ZNF565: variants seen among roughly 807,000 people sequenced by gnomAD.
ZNF565 encodes the protein zinc finger protein 565.
ZNF565 carries 27 observed loss-of-function variants against 39.4 expected under a neutral mutation model. That is an observed-to-expected ratio of 0.69 (90% confidence interval 0.51 to 0.95). The LOEUF is 0.95. ZNF565 is among the 40% of genes least tolerant of loss of function. The pLI, the probability that ZNF565 is intolerant of heterozygous loss-of-function variation, is 0.00. For synonymous variants in ZNF565, 185 were observed against 216.6 expected, an observed-to-expected ratio of 0.85 and a Z score of 1.28; for missense variants, 524 against 621.1, an observed-to-expected ratio of 0.84 and a Z score of 1.66.
intron 1 of ZNF565, among the ~76,000 whole-genome samples, chr19:36,203,781 T>C (rs1406889159): frequency 6.6e-6 from 1 of 151,830 alleles, no homozygotes; most frequent in Non-Finnish European, 1.5e-5. Flanking sequence ...TTCACCATGT[T>C]GGCCAGGCTG....
intron 1 of ZNF565, among the ~76,000 whole-genome samples, chr19:36,244,106 A>G (rs577750900): frequency 1.8e-3 from 269 of 149,934 alleles, no homozygotes; most frequent in African/African-American, 5.9e-3. Flanking sequence ...CCAAACCAAG[A>G]AAAAAGACCC....
intron 2 of ZNF565, among the ~76,000 whole-genome samples, chr19:36,200,402 T>G (rs943561829): frequency 1.3e-5 from 2 of 152,098 alleles, no homozygotes; most frequent in Non-Finnish European, 2.9e-5. Flanking sequence ...TTATGAAACA[T>G]AACTCTATTG....
chr19:36,228,006 C>T (rs1977149769), intron 1 of ZNF565, among the ~76,000 whole-genome samples: 2 of 152,054 alleles, frequency 1.3e-5, no homozygotes, highest in Admixed American at 6.6e-5. Flanking sequence ...ACTAAAAATA[C>T]AAAATTAGCC....
chr19:36,190,709 G>A (rs1975502538), intron 4 of ZNF565, among the ~76,000 whole-genome samples: 2 of 151,754 alleles, frequency 1.3e-5, no homozygotes, highest in African/African-American at 4.8e-5. Flanking sequence ...AAGGCCAGGT[G>A]CGGTGGCTCA....
Position 36,245,413 on chromosome 19 carries a change from C to G in ZNF565, c.55+63G>C, listed in dbSNP as rs182894455. 57 of 701,198 alleles carry G rather than the reference C, an allele frequency of 8.1e-5. No homozygotes were observed. The African/African-American group carries it at 8.9e-4, about 11-fold the overall frequency. The allele number at this position is 701,198 out of a possible 1,614,324, so 43.4% of individuals were successfully genotyped here. On this transcript the variant is annotated intron_variant, in intron 1 of 4. Transcript: ENST00000355114. This position sits in a 1 kb window ranked among gnomAD's most constrained non-coding sequence, Gnocchi z 4.4. ...TGCGACCCGGAAAGCTCCGCGCTTA[C>G]GACGCCCACCCAGAAAATCCGGATC...
chr19:36,232,709 A>G (rs1351650587), intron 1 of ZNF565, among the ~76,000 whole-genome samples: 2 of 151,448 alleles, frequency 1.3e-5, no homozygotes, highest in Non-Finnish European at 2.9e-5. Context: ...CCCGGTTTCA[A>G]GTGATTCTCC....
At chr19:36,189,214 G>T (rs1037079991) in intron 4 of ZNF565, among the ~76,000 whole-genome samples, 4 of 152,036 alleles carry the variant, frequency 2.6e-5, no homozygotes, top group Admixed American at 6.6e-5. Context: ...GCTTGAAACT[G>T]GGAGGCAGAG....
chr19:36,240,229 G>T (rs1419896794), intron 1 of ZNF565, among the ~76,000 whole-genome samples: 1 of 152,212 alleles, frequency 6.6e-6, no homozygotes, highest in Non-Finnish European at 1.5e-5. Flanking sequence ...TATTTGGATA[G>T]CATTTACATT....
intron 1 of ZNF565, among the ~76,000 whole-genome samples, chr19:36,227,391 A>G (rs980902018): frequency 1.1e-5 from 1 of 88,166 alleles, no homozygotes. Context: ...CTCTGTCACA[A>G]AAAAAAAAAA....
At position 36,188,431 on chromosome 19, in the gene ZNF565, G is replaced by A. The variant is rs575989607; in HGVS notation, c.233-4698C>T. On this transcript the variant is annotated intron_variant, in intron 4 of 4. Coordinates refer to ENST00000304116, the MANE Select transcript of ZNF565 (RefSeq NM_152477.5). ...AACAACTCCAAGAACAGATGAGGGG[G>A]CCGCATGTGGTAGGTCATGCCTGTA... 5.7e-4 allele frequency among the ~76,000 whole-genome samples: 86 copies of A among 151,918 alleles called. 1 individual carries two copies. Among genetic ancestry groups the A allele is most frequent in the South Asian group, 4.0e-3 (19 of 4,806 alleles).
chr19:36,217,544 C>A (rs368188589), upstream of ZNF565, among the ~76,000 whole-genome samples: 1 of 152,122 alleles, frequency 6.6e-6, no homozygotes, highest in East Asian at 1.9e-4. Context: ...GTATTGTTAA[C>A]TGAGAGAAAG....
intron 1 of ZNF565, among the ~76,000 whole-genome samples, chr19:36,206,631 G>A (rs994817233): frequency 1.5e-4 from 23 of 152,248 alleles, no homozygotes; most frequent in African/African-American, 5.5e-4. Context: ...AGAAGTTCTA[G>A]ACCAGCCTGG....
intron 3 of ZNF565, 179 bp downstream of exon 3, chr19:36,194,851 A>G (rs7259854): frequency 0.24 from 215,841 of 883,278 alleles, 29,450 homozygotes; most frequent in Middle Eastern, 0.4. Flanking sequence ...TTGACCCAGG[A>G]GCTCTGGAAG....
intron 1 of ZNF565, chr19:36,236,257 A>G (rs2145468367): frequency 1.5e-6 from 1 of 682,676 alleles, no homozygotes; most frequent in Non-Finnish European, 2.3e-6. Context: ...AGCATTGAAT[A>G]TACTGAGTAT....
rs772104508 is a variant in ZNF565, at chr19:36,230,469, TATAGAGAGGGC to T, written c.55+14996_55+15006del. Among the ~76,000 whole-genome samples, 921 of 152,218 alleles carry T rather than the reference TATAGAGAGGGC, an allele frequency of 6.1e-3. 9 individuals carry two copies. Among genetic ancestry groups the T allele is most frequent in the Non-Finnish European group, 8.8e-3 (601 of 68,020 alleles). On this transcript the variant is annotated intron_variant, in intron 1 of 4. Transcript: ENST00000355114. ...AAAGAATAAAGTAAGGGAAAACCGG[TATAGAGAGGGC>T]TAGTTGGGGTTGTAATTTTAAATCA...
chr19:36,212,089 G>A (rs1014353474), intron 1 of ZNF565, among the ~76,000 whole-genome samples: 5 of 152,146 alleles, frequency 3.3e-5, no homozygotes, highest in African/African-American at 7.2e-5. Flanking sequence ...ATAGTGTAAC[G>A]AATTGACCTC....
intron 1 of ZNF565, among the ~76,000 whole-genome samples, chr19:36,207,050 GA>G (rs1976182708): frequency 6.6e-6 from 1 of 152,218 alleles, no homozygotes; most frequent in African/African-American, 2.4e-5. Context: ...CTGAAGGCAG[GA>G]GCAGGCTTTC....
chr19:36,245,628 G>C lies in ZNF565; in HGVS notation c.-98C>G. 1 of 697,928 alleles carries C rather than the reference G, an allele frequency of 1.4e-6. No individual in the cohort carries two copies. The allele number at this position is 697,928 out of a possible 1,614,324, so 43.2% of individuals were successfully genotyped here. A position where few individuals can be genotyped will look rare whatever the true frequency, so the allele number is the denominator to read the frequency against. On this transcript the variant is annotated 5_prime_UTR_variant, in exon 1 of 5. Coordinates refer to the ZNF565 transcript ENST00000355114. The surrounding 1 kb of genome is among the most constrained non-coding windows in gnomAD (Gnocchi z 4.4). ...CCTCCCAGCTTCGAGGCTACCACCTGCCCGAATTGGTGCTTTGGCAGAGTC... is the reference window on the plus strand; with the variant it reads ...CCTCCCAGCTTCGAGGCTACCACCTCCCCGAATTGGTGCTTTGGCAGAGTC...
intron 1 of ZNF565, among the ~76,000 whole-genome samples, chr19:36,243,300 T>C (rs2918381): frequency 0.68 from 103,005 of 151,998 alleles, 34,941 homozygotes; most frequent in Middle Eastern, 0.73. Flanking sequence ...TTCCAAAGTG[T>C]GGGGATTACA....
Sources: allele counts gnomAD v4.1 joint callset (sites outside exome capture counted in the v4.1 genomes callset), GRCh38; gene constraint gnomAD v4.1.1; non-coding constraint Gnocchi (gnomAD v3.1); transcripts MANE v1.5; gene names NCBI Gene and HGNC (gene_info 2026-07-23, HGNC 2026-07-21).